ITSN1: variants seen among roughly 807,000 people sequenced by gnomAD.
ITSN1 encodes intersectin 1.
A neutral mutation model predicts 239.8 loss-of-function variants in ITSN1; 58 were observed. That is an observed-to-expected ratio of 0.24 (90% confidence interval 0.20 to 0.30). The LOEUF (loss-of-function observed/expected upper bound fraction) is 0.30, where lower values mean the gene tolerates loss of function less well. Ranked by LOEUF, ITSN1 falls within the 10% of genes least tolerant of loss-of-function variation. The pLI is 1.00. For synonymous variants in ITSN1, 780 were observed against 770.8 expected (o/e 1.01, Z -0.20); for missense variants, 1,558 against 2,103.3 (o/e 0.74, Z 5.07).
chr21:33,858,443 A>T (rs1356209317), intron 30 of ITSN1, among the ~76,000 whole-genome samples: 1 of 151,902 alleles, frequency 6.6e-6, no homozygotes, highest in Non-Finnish European at 1.5e-5. Flanking sequence ...TCTCCTGGAG[A>T]CTTCAGCTGC....
At chr21:33,796,640 A>C (rs1377005427) in intron 17 of ITSN1, among the ~76,000 whole-genome samples, 1 of 152,192 alleles carries the variant, frequency 6.6e-6, no homozygotes, top group African/African-American at 2.4e-5. Flanking sequence ...AAGTCATTTA[A>C]TATCTCTGCC....
At chr21:33,704,506 A>G (rs1447709317) in intron 1 of ITSN1, among the ~76,000 whole-genome samples, 6 of 152,170 alleles carry the variant, frequency 3.9e-5, no homozygotes. Context: ...CCATTGTTTA[A>G]TAACTGTATA....
At chr21:33,686,743 T>C (rs1354267872) in intron 1 of ITSN1, among the ~76,000 whole-genome samples, 1 of 152,200 alleles carries the variant, frequency 6.6e-6, no homozygotes, top group African/African-American at 2.4e-5. Flanking sequence ...GGAAGATTGG[T>C]GCCATCTAAT....
At chr21:33,870,283 T>C (rs1982488371) in intron 33 of ITSN1, among the ~76,000 whole-genome samples, 2 of 152,282 alleles carry the variant, frequency 1.3e-5, no homozygotes, top group East Asian at 1.9e-4. Flanking sequence ...TAATTGCAAA[T>C]TGAAGTTGAA....
Position 33,882,437 on chromosome 21 carries a change from G to C in ITSN1, c.4536G>C (p.Gln1512His), listed in dbSNP as rs774034996. The change falls in exon 35 of 40, where the codon CAG becomes CAC. Residue 1512 changes from glutamine to histidine, a missense_variant. Gln to His is a conservative substitution (Grantham distance 24, BLOSUM62 0). Transcript: ENST00000381318. The surrounding 1 kb of genome is among the most constrained non-coding windows in gnomAD (Gnocchi z 4.5). ...TCTTCAGCCCCAAATCAAACCTGCA[G>C]TATAAAATGTATAAAACAGTAAGTT... ...DKVFSPKSNL[Q>H]YKMYKTPIFL... 1 of 1,613,780 alleles carries C rather than the reference G, an allele frequency of 6.2e-7. No individual in the cohort carries two copies. The highest frequency in any genetic ancestry group is 1.7e-5 in the Admixed American group (1 of 59,962).
At chr21:33,687,733 CTCATA>C (rs1011868170) in intron 1 of ITSN1, among the ~76,000 whole-genome samples, 8 of 152,208 alleles carry the variant, frequency 5.3e-5, no homozygotes, top group South Asian at 4.1e-4. Context: ...GAAAATGGCC[CTCATA>C]TCATACAACT....
At chr21:33,654,447 C>T (rs377630691) in intron 1 of ITSN1, among the ~76,000 whole-genome samples, 11 of 152,126 alleles carry the variant, frequency 7.2e-5, no homozygotes, top group South Asian at 2.1e-4. Flanking sequence ...TTATTAGTTC[C>T]GTATTTTGAT....
chr21:33,876,213 TTC>T (rs200167174), intron 34 of ITSN1, among the ~76,000 whole-genome samples: 16 of 93,424 alleles, frequency 1.7e-4, no homozygotes, highest in South Asian at 7.4e-4. Flanking sequence ...CCTTCCTCTC[TTC>T]TTTTTCTCTT....
chr21:33,866,845 A>G lies in ITSN1; in HGVS notation c.4075-388A>G, dbSNP rs1378049806. 2.0e-5 allele frequency among the ~76,000 whole-genome samples: 3 copies of G among 152,082 alleles called. No homozygotes were observed. The East Asian group carries it at 5.8e-4, about 29-fold the overall frequency. ...TCCAGCAGTTCTGGGGTGTAAGGGG[A>G]ATTTTTCCTCTAACCGTATAGTCTT... is the stretch of plus-strand genomic sequence containing the variant. On this transcript the variant is annotated intron_variant, in intron 32 of 39. Coordinates refer to ENST00000381318, the MANE Select transcript of ITSN1 (RefSeq NM_003024.3).
At chr21:33,666,422 T>C (rs2146320039) in intron 1 of ITSN1, among the ~76,000 whole-genome samples, 1 of 152,316 alleles carries the variant, frequency 6.6e-6, no homozygotes, top group Non-Finnish European at 1.5e-5. Flanking sequence ...TAAAATCAGT[T>C]CAACAGTAAA....
chr21:33,694,785 C>T lies in ITSN1; in HGVS notation c.-32-24012C>T, dbSNP rs566731601. Among the ~76,000 whole-genome samples, 19 of 152,288 alleles carry T rather than the reference C, an allele frequency of 1.2e-4. No homozygotes were observed. The East Asian group carries it at 3.1e-3, about 25-fold the overall frequency. ...AGTGAGCCGATATCACACCACTGCA[C>T]TCCAGCCTGGGAGACAGAGCAAGAG... On this transcript the variant is annotated intron_variant, in intron 1 of 39. Coordinates refer to ENST00000381318, the MANE Select transcript of ITSN1 (RefSeq NM_003024.3).
At chr21:33,851,597 C>T (rs537858856) in intron 29 of ITSN1, among the ~76,000 whole-genome samples, 178 of 151,586 alleles carry the variant, frequency 1.2e-3, no homozygotes, top group African/African-American at 4.1e-3. Flanking sequence ...TGAGGTTTCA[C>T]CATGTTGGCC....
At chr21:33,753,038 A>G (rs2147508801) in intron 7 of ITSN1, among the ~76,000 whole-genome samples, 1 of 152,276 alleles carries the variant, frequency 6.6e-6, no homozygotes, top group South Asian at 2.1e-4. Flanking sequence ...ATTCTTCCCC[A>G]TGAGATGATT....
intron 16 of ITSN1, among the ~76,000 whole-genome samples, chr21:33,793,717 A>G (rs1232697370): frequency 6.6e-6 from 1 of 152,154 alleles, no homozygotes; most frequent in Non-Finnish European, 1.5e-5. Context: ...TTTTAACCTG[A>G]TTGCTGGTTT....
chr21:33,652,662 G>A (rs2146143182), intron 1 of ITSN1, among the ~76,000 whole-genome samples: 1 of 152,208 alleles, frequency 6.6e-6, no homozygotes, highest in Admixed American at 6.5e-5. Context: ...CTCTTACCAG[G>A]ACTGGGTAAA....
At chr21:33,766,409 T>A (rs903704637) in intron 10 of ITSN1, among the ~76,000 whole-genome samples, 2 of 152,146 alleles carry the variant, frequency 1.3e-5, no homozygotes, top group African/African-American at 4.8e-5. Flanking sequence ...ATGTAGAAAT[T>A]ATAATCAGGA....
At chr21:33,700,955 G>C (rs1488899214) in intron 1 of ITSN1, among the ~76,000 whole-genome samples, 2 of 105,324 alleles carry the variant, frequency 1.9e-5, no homozygotes, top group African/African-American at 3.8e-5. Context: ...TTTTTTCTGT[G>C]TGTGTGTGTG....
intron 11 of ITSN1, among the ~76,000 whole-genome samples, chr21:33,771,541 A>G (rs2069161823): frequency 6.6e-6 from 1 of 152,238 alleles, no homozygotes; most frequent in Admixed American, 6.5e-5. Context: ...TAAAGAAGGA[A>G]ACTGAATAAT....
At chr21:33,788,576 C>G (rs2070851455) in intron 16 of ITSN1, among the ~76,000 whole-genome samples, 1 of 151,948 alleles carries the variant, frequency 6.6e-6, no homozygotes, top group Non-Finnish European at 1.5e-5. Context: ...ACTAAAAATA[C>G]AAAAATTGGC....
Sources: gnomAD v4.1 joint callset for allele counts (sites outside exome capture counted in the v4.1 genomes callset) on GRCh38, gnomAD v4.1.1 for gene constraint, Gnocchi (gnomAD v3.1) non-coding constraint, MANE v1.5 for transcripts, NCBI Gene and HGNC (gene_info 2026-07-23, HGNC 2026-07-21) for gene names.